Variants in FANCC observed in about 807,000 individuals in gnomAD.
FANCC encodes Fanconi anemia group C protein.
A neutral mutation model predicts 71.3 loss-of-function variants in FANCC; 55 were observed. The observed-to-expected ratio is 0.77, with a 90% CI of 0.62 to 0.97. The LOEUF (loss-of-function observed/expected upper bound fraction) is 0.97, where lower values mean the gene tolerates loss of function less well. Ranked by LOEUF, FANCC falls within the 50% of genes least tolerant of loss-of-function variation. FANCC has a pLI of 0.00. For missense variants in FANCC, 678 were observed against 670.9 expected (o/e 1.01, Z -0.12); for synonymous variants, 275 against 244.9 (o/e 1.12, Z -1.15).
In FANCC at chr9:95,100,196, C is replaced by G. The variant is rs974341205; in HGVS notation, c.*1511G>C. 1 of 222,918 alleles carries G rather than the reference C, an allele frequency of 4.5e-6. No homozygotes were observed. Among genetic ancestry groups the G allele is most frequent in the East Asian group, 6.1e-5 (1 of 16,516 alleles). The allele number at this position is 222,918 out of a possible 1,614,324, so 13.8% of individuals were successfully genotyped here. On this transcript the variant is annotated 3_prime_UTR_variant, in exon 15 of 15. Transcript: ENST00000289081. ...TATGAAGGCAAGGATCATGATGGCA[C>G]GAAGCATGTTATATGAAGGCAATGA...
At chr9:95,172,323 AAAGTT>A (rs1825741622) in intron 4 of FANCC, among the ~76,000 whole-genome samples, 176 bp from the exon 5 acceptor site, 1 of 152,252 alleles carries the variant, frequency 6.6e-6, no homozygotes, top group Non-Finnish European at 1.5e-5. Flanking sequence ...TGTTAGCATT[AAAGTT>A]AACACATTAA....
Position 95,101,661 on chromosome 9 carries a change from C to T in FANCC, c.*46G>A, listed in dbSNP as rs369503655. On this transcript the variant is annotated 3_prime_UTR_variant, in exon 15 of 15. Coordinates refer to ENST00000289081, the MANE Select transcript of FANCC (RefSeq NM_000136.3). ...GTCATCACCTGTCCTGTGGCCCTGG[C>T]GAGCCTGATCCCTCACGCCGGGCAC... 26 of 1,610,136 alleles carry T rather than the reference C, an allele frequency of 1.6e-5. No individual in the cohort carries two copies. In the African/African-American group the frequency reaches 2.4e-4, roughly 15 times the overall value.
At chr9:95,266,197 C>G (rs1832375940) in intron 1 of FANCC, among the ~76,000 whole-genome samples, 1 of 152,200 alleles carries the variant, frequency 6.6e-6, no homozygotes, top group African/African-American at 2.4e-5. Context: ...TAAATATTAA[C>G]AAACATAAAC....
chr9:95,153,220 T>C (rs961369971), intron 6 of FANCC, among the ~76,000 whole-genome samples: 1 of 152,260 alleles, frequency 6.6e-6, no homozygotes, highest in African/African-American at 2.4e-5. Flanking sequence ...AGTGTATATA[T>C]ACCATATTTT....
intron 4 of FANCC, among the ~76,000 whole-genome samples, chr9:95,188,719 T>C (rs1826890026): frequency 6.6e-6 from 1 of 152,216 alleles, no homozygotes; most frequent in Non-Finnish European, 1.5e-5. Context: ...CCACTAACTG[T>C]TACTTCCTGC....
chr9:95,308,859 G>A (rs1415771190), intron 1 of FANCC, among the ~76,000 whole-genome samples: 1 of 151,934 alleles, frequency 6.6e-6, no homozygotes, highest in Non-Finnish European at 1.5e-5. Context: ...ATTTTTAAGG[G>A]CAGGCACAGT....
At chr9:95,117,473 C>T (rs1356713737) in intron 10 of FANCC, 83 bp from the exon 11 acceptor site, 2 of 1,119,280 alleles carry the variant, frequency 1.8e-6, no homozygotes, top group Non-Finnish European at 2.7e-6. Context: ...GAGTCCTCTG[C>T]CCAAAAAAGA....
At chr9:95,257,078 A>G (rs1440570529) in intron 1 of FANCC, among the ~76,000 whole-genome samples, 6 of 152,222 alleles carry the variant, frequency 3.9e-5, no homozygotes, top group African/African-American at 1.2e-4. Flanking sequence ...CTCCCGCACA[A>G]TAACAGTGGG....
In FANCC at chr9:95,101,458, G is replaced by A. The variant is rs1046795121; in HGVS notation, c.*249C>T. On this transcript the variant is annotated 3_prime_UTR_variant, in exon 15 of 15. Coordinates refer to ENST00000289081, the MANE Select transcript of FANCC (RefSeq NM_000136.3). ...TATCAAGCTGACGGTCTGGCCGGGC[G>A]GGCACCAGGAGTACCGAAGGCTCAC... 77 of 557,592 alleles carry A rather than the reference G, an allele frequency of 1.4e-4. No homozygotes were observed. Among genetic ancestry groups the A allele is most frequent in the Non-Finnish European group, 2.3e-4 (71 of 310,168 alleles). 34.5% of individuals were successfully genotyped at this position (557,592 alleles called of 1,614,324 possible).
chr9:95,103,641 G>A (rs145083287), intron 14 of FANCC, among the ~76,000 whole-genome samples: 2,068 of 152,344 alleles, frequency 0.014, 43 homozygotes, highest in African/African-American at 0.046. Flanking sequence ...AGAGGCAGGA[G>A]AACCGCAGGG....
rs1180807258 is a variant in FANCC at position 95,284,860 on chromosome 9, TCA to T, written c.-79+32664_-79+32665del. ...ACTTGAACTCTAAGACTCCTCTCTC[TCA>T]CACACACACACACATACACACACAC... On this transcript the variant is annotated intron_variant, in intron 1 of 14. Coordinates refer to ENST00000289081, the MANE Select transcript of FANCC (RefSeq NM_000136.3). Among the ~76,000 whole-genome samples the T allele has an allele frequency of 3.1e-3, 384 of 125,610 alleles. 1 individual carries two copies. The highest frequency in any genetic ancestry group is 0.011 in the African/African-American group (351 of 31,772). 82.4% of individuals were successfully genotyped at this position (125,610 alleles called of 152,430 possible). A position where few individuals can be genotyped will look rare whatever the true frequency, so the allele number is the denominator to read the frequency against.
At chr9:95,231,074 C>G (rs971315124) in intron 4 of FANCC, among the ~76,000 whole-genome samples, 1 of 152,182 alleles carries the variant, frequency 6.6e-6, no homozygotes, top group African/African-American at 2.4e-5. Flanking sequence ...CTCTCATTAT[C>G]AGATTTCTTT....
At position 95,100,774 on chromosome 9, in the gene FANCC, A is replaced by T. The variant is rs1450037201; in HGVS notation, c.*933T>A. The T allele has an allele frequency of 2.2e-5, 5 of 225,516 alleles. No homozygotes were observed. 14.0% of individuals were successfully genotyped at this position (225,516 alleles called of 1,614,324 possible). A position where few individuals can be genotyped will look rare whatever the true frequency, so the allele number is the denominator to read the frequency against. ...GCCTCTTGAATAGCTGGGATTACAG[A>T]TGCATGCCATTGCACCCCGATAATT... is the stretch of plus-strand genomic sequence containing the variant. On this transcript the variant is annotated 3_prime_UTR_variant, in exon 15 of 15. Transcript: ENST00000289081.
At chr9:95,136,560 C>G (rs142016870) in intron 7 of FANCC, among the ~76,000 whole-genome samples, 250 of 152,200 alleles carry the variant, frequency 1.6e-3, no homozygotes, top group African/African-American at 5.7e-3. Flanking sequence ...GATCAAAGTT[C>G]CCTGTAACCT....
intron 4 of FANCC, among the ~76,000 whole-genome samples, chr9:95,180,965 T>C (rs1826317404): frequency 1.3e-5 from 2 of 152,060 alleles, no homozygotes; most frequent in Non-Finnish European, 2.9e-5. Context: ...ATAAGGCACA[T>C]GACTAAACTT....
chr9:95,106,951 G>T, intron 14 of FANCC, 115 bp downstream of exon 14: 1 of 1,016,246 alleles, frequency 9.8e-7, no homozygotes, highest in Non-Finnish European at 1.5e-6. Flanking sequence ...ATTTATCTGT[G>T]CTGGGCAGCA....
intron 4 of FANCC, among the ~76,000 whole-genome samples, chr9:95,187,063 G>A (rs1280905288): frequency 1.3e-5 from 2 of 152,094 alleles, no homozygotes; most frequent in Non-Finnish European, 2.9e-5. Context: ...GCGAGCCACC[G>A]TGCCTGGCCT....
intron 1 of FANCC, among the ~76,000 whole-genome samples, chr9:95,274,731 A>T (rs1301691070): frequency 2.0e-5 from 3 of 152,232 alleles, no homozygotes; most frequent in African/African-American, 7.2e-5. Flanking sequence ...GTACTGCCAG[A>T]AATTTATCAT....
chr9:95,244,885 G>A (rs144008301), intron 3 of FANCC, among the ~76,000 whole-genome samples: 1 of 151,914 alleles, frequency 6.6e-6, no homozygotes, highest in African/African-American at 2.4e-5. Flanking sequence ...GCTCTTCTTA[G>A]TGTTGTATTC....
Sources: gnomAD v4.1 joint callset for allele counts (sites outside exome capture counted in the v4.1 genomes callset) on GRCh38, gnomAD v4.1.1 for gene constraint, MANE v1.5 for transcripts, NCBI Gene and HGNC (gene_info 2026-07-23, HGNC 2026-07-21) for gene names.